DNAJB1: variants seen among roughly 807,000 people sequenced by gnomAD.
DNAJB1 encodes the protein DnaJ heat shock protein family (Hsp40) member B1.
In DNAJB1, 14 loss-of-function variants were observed where a neutral mutation model predicts 24.0. The observed-to-expected ratio is 0.58, with a 90% CI of 0.39 to 0.91. The LOEUF is 0.91. Ranked by LOEUF, DNAJB1 falls within the 40% of genes least tolerant of loss-of-function variation. DNAJB1 has a pLI of 0.00. For synonymous variants in DNAJB1, 262 were observed against 174.4 expected (o/e 1.50, Z -3.96); for missense variants, 517 against 458.1 (o/e 1.13, Z -1.17).
chr19:14,515,770 G>C lies in DNAJB1; in HGVS notation c.*170C>G. 1 of 646,766 alleles carries C rather than the reference G, an allele frequency of 1.5e-6. No individual in the cohort carries two copies. The highest frequency in any genetic ancestry group is 3.0e-5 in the East Asian group (1 of 33,194). The allele number at this position is 646,766 out of a possible 1,614,324, so 40.1% of individuals were successfully genotyped here. ...CCCTATAGCTCGAAAAACCACTGAA[G>C]TCTAGTGTGCGACTTTGAAAGATTG... On this transcript the variant is annotated 3_prime_UTR_variant, in exon 3 of 3. Coordinates refer to ENST00000254322, the MANE Select transcript of DNAJB1 (RefSeq NM_006145.3).
intron 2 of DNAJB1, among the ~76,000 whole-genome samples, chr19:14,525,459 C>T (rs1211117737): frequency 1.3e-5 from 2 of 151,952 alleles, no homozygotes; most frequent in Non-Finnish European, 2.9e-5. Context: ...GATCCATCCA[C>T]ACAATGGAAT....
At chr19:14,548,194 C>CTTCA (rs2073370646) in intron 1 of DNAJB1, among the ~76,000 whole-genome samples, 1 of 151,998 alleles carries the variant, frequency 6.6e-6, no homozygotes, top group African/African-American at 2.4e-5. Flanking sequence ...GATCTCCTGA[C>CTTCA]TTCATGATCC....
chr19:14,528,806 T>G (rs1052208614), intron 1 of DNAJB1, among the ~76,000 whole-genome samples: 1 of 151,596 alleles, frequency 6.6e-6, no homozygotes, highest in African/African-American at 2.4e-5. Flanking sequence ...TAGTCGGGCG[T>G]GGTGGCGGGT....
At chr19:14,528,272 G>T (rs2072478106) in intron 1 of DNAJB1, among the ~76,000 whole-genome samples, 2 of 131,412 alleles carry the variant, frequency 1.5e-5, no homozygotes, top group African/African-American at 5.7e-5. Flanking sequence ...TTTTGAGACG[G>T]TCTGTTGCTC....
chr19:14,529,659 C>T, upstream of DNAJB1: 6 of 1,613,778 alleles, frequency 3.7e-6, no homozygotes, highest in South Asian at 2.2e-5. Flanking sequence ...AGTTAGGCAG[C>T]AGCAGCCGCG....
intron 1 of DNAJB1, among the ~76,000 whole-genome samples, chr19:14,542,352 T>G (rs369089400): frequency 0.017 from 1,278 of 73,618 alleles, 32 homozygotes; most frequent in African/African-American, 0.058. Flanking sequence ...ATAGTGTTTT[T>G]TTTTTTTTTT....
chr19:14,529,082 G>C (rs1401644513), intron 1 of DNAJB1: 1 of 156,146 alleles, frequency 6.4e-6, no homozygotes, highest in African/African-American at 2.4e-5. Context: ...ACTCCGTTTC[G>C]CCTTTCCTTC....
chr19:14,517,273 T>C (rs1008749708), intron 1 of DNAJB1: 22 of 533,796 alleles, frequency 4.1e-5, no homozygotes, highest in African/African-American at 7.6e-5. Context: ...CTCATGCGGT[T>C]AGGTGTTCAC....
At chr19:14,534,243 G>C (rs2072780535), upstream of DNAJB1, among the ~76,000 whole-genome samples, 1 of 151,348 alleles carries the variant, frequency 6.6e-6, no homozygotes, top group Non-Finnish European at 1.5e-5. Flanking sequence ...TCCTGCCTCA[G>C]CCTCCCGAGT....
intron 1 of DNAJB1, among the ~76,000 whole-genome samples, chr19:14,535,582 ATATATATG>A (rs1294445421): frequency 1.3e-4 from 5 of 38,822 alleles, no homozygotes; most frequent in African/African-American, 3.9e-4. Context: ...ATATATATAT[ATATATATG>A]TATGTATATA....
chr19:14,543,499 C>T lies in DNAJB1; in HGVS notation c.-214+6709G>A, dbSNP rs1165780152. Among the ~76,000 whole-genome samples the T allele has an allele frequency of 1.4e-4, 16 of 113,304 alleles. No individual in the cohort carries two copies. The East Asian group carries it at 4.0e-3, about 29-fold the overall frequency. 74.3% of individuals were successfully genotyped at this position (113,304 alleles called of 152,430 possible). Reference sequence around the variant, plus strand: ...TGTCGCCCAGGCTGGAGTGCAGTGGCGCGATCTAGGCTCACTGCAAGCTCC... The same window carrying T: ...TGTCGCCCAGGCTGGAGTGCAGTGGTGCGATCTAGGCTCACTGCAAGCTCC... On this transcript the variant is annotated intron_variant, in intron 1 of 3. Coordinates refer to the DNAJB1 transcript ENST00000676982.
chr19:14,540,189 A>T (rs2146571549), intron 1 of DNAJB1, among the ~76,000 whole-genome samples: 2 of 151,832 alleles, frequency 1.3e-5, no homozygotes, highest in Non-Finnish European at 2.9e-5. Flanking sequence ...CCTCCCGAGT[A>T]GCTGGGAGTA....
At chr19:14,530,206 C>A, upstream of DNAJB1, 1 of 175,910 alleles carries the variant, frequency 5.7e-6, no homozygotes, top group Non-Finnish European at 1.3e-5. Flanking sequence ...TGCAGCTCCA[C>A]GGCTGGCTTT....
chr19:14,516,746 G>C lies in DNAJB1; in HGVS notation c.512C>G (p.Ser171Cys). ...DPPVTHDLRVSLEEIYSGCTK... is the reference protein window; with the variant it reads ...DPPVTHDLRVCLEEIYSGCTK... ...ACAGCCGCTGTAGATCTCTTCAAGG[G>C]AGACTCGAAGGTCGTGGGTGACTGG... Residue 171 changes from serine to cysteine, a missense_variant, in exon 2 of 3, where the codon TCC (serine) becomes TGC (cysteine). Coordinates refer to ENST00000254322, the MANE Select transcript of DNAJB1 (RefSeq NM_006145.3). 10 of 1,614,056 alleles carry C rather than the reference G, an allele frequency of 6.2e-6. No individual in the cohort carries two copies. The highest frequency in any genetic ancestry group is 8.5e-6 in the Non-Finnish European group (10 of 1,180,034).
intron 1 of DNAJB1, among the ~76,000 whole-genome samples, chr19:14,536,896 A>G (rs2072916970): frequency 6.6e-6 from 1 of 150,664 alleles, no homozygotes. Context: ...GCAGCAGCTA[A>G]CATTTGACAA....
At position 14,516,817 on chromosome 19, in the gene DNAJB1, G is replaced by C. The variant is rs770562091; in HGVS notation, c.441C>G (p.Gly147=). ...GMGGFTNVNF[G]RSRSAQEPAR... ...CGGGCTCTTGGGCAGAGCGGGAGCG[G>C]CCAAAGTTCACGTTGGTGAAGCCAC... The change falls in exon 2 of 3, where the codon GGC becomes GGG. Residue 147 remains glycine (G), a synonymous_variant. Coordinates refer to ENST00000254322, the MANE Select transcript of DNAJB1 (RefSeq NM_006145.3). 1 of 1,613,728 alleles carries C rather than the reference G, an allele frequency of 6.2e-7. No individual in the cohort carries two copies. Among genetic ancestry groups the C allele is most frequent in the Non-Finnish European group, 8.5e-7 (1 of 1,179,908 alleles).
chr19:14,542,359 T>G (rs947829332), intron 1 of DNAJB1, among the ~76,000 whole-genome samples: 14 of 124,930 alleles, frequency 1.1e-4, no homozygotes, highest in African/African-American at 4.1e-4. Flanking sequence ...TTTTTTTTTT[T>G]TTTTTTTTTT....
chr19:14,553,188 C>G (rs2073597966), upstream of DNAJB1, among the ~76,000 whole-genome samples: 1 of 152,180 alleles, frequency 6.6e-6, no homozygotes, highest in East Asian at 1.9e-4. Context: ...TTGCTACCTG[C>G]TCGCTCGGGG....
chr19:14,545,566 G>C (rs777511492), intron 1 of DNAJB1, among the ~76,000 whole-genome samples: 1 of 152,172 alleles, frequency 6.6e-6, no homozygotes, highest in Non-Finnish European at 1.5e-5. Context: ...CCCTTGGATC[G>C]CTGCCCGCAC....
Sources: allele counts gnomAD v4.1 joint callset (sites outside exome capture counted in the v4.1 genomes callset), GRCh38; gene constraint gnomAD v4.1.1; transcripts MANE v1.5; gene names NCBI Gene and HGNC (gene_info 2026-07-23, HGNC 2026-07-21).